Variants in PTPRG observed in about 807,000 individuals in gnomAD.
PTPRG encodes the protein receptor-type tyrosine-protein phosphatase gamma.
In PTPRG, 102 loss-of-function variants were observed where a neutral mutation model predicts 165.3. The observed-to-expected ratio is 0.62, with a 90% CI of 0.53 to 0.73. The LOEUF is 0.73. PTPRG is among the 30% of genes least tolerant of loss of function. The pLI is 0.00. For missense variants in PTPRG, 1,866 were observed against 1,861.4 expected, an observed-to-expected ratio of 1.00 and a Z score of -0.05; for synonymous variants, 675 against 669.5, an observed-to-expected ratio of 1.01 and a Z score of -0.13.
At chr3:61,698,475 G>A (rs1165128908) in intron 1 of PTPRG, among the ~76,000 whole-genome samples, 1 of 152,140 alleles carries the variant, frequency 6.6e-6, no homozygotes, top group East Asian at 1.9e-4. Context: ...GCTGGATTTG[G>A]CCTGAAGATA....
chr3:62,126,367 C>T (rs534331715), intron 5 of PTPRG, among the ~76,000 whole-genome samples: 16 of 152,304 alleles, frequency 1.1e-4, no homozygotes, highest in Non-Finnish European at 2.2e-4. Flanking sequence ...TGTGAATTAA[C>T]TAGTTTCCAT....
intron 2 of PTPRG, among the ~76,000 whole-genome samples, chr3:61,837,989 C>A (rs763123561): frequency 2.1e-4 from 32 of 152,176 alleles, no homozygotes; most frequent in African/African-American, 7.2e-4. Flanking sequence ...GACACTTTTG[C>A]CCACATTTAA....
At chr3:61,761,558 A>G (rs989069249) in intron 2 of PTPRG, among the ~76,000 whole-genome samples, 2 of 151,760 alleles carry the variant, frequency 1.3e-5, no homozygotes, top group Non-Finnish European at 2.9e-5. Context: ...AGCCTGGGCA[A>G]CAGAGTGAGA....
At chr3:61,661,874 A>G (rs1702678124) in intron 1 of PTPRG, among the ~76,000 whole-genome samples, 1 of 152,210 alleles carries the variant, frequency 6.6e-6, no homozygotes, top group African/African-American at 2.4e-5. Flanking sequence ...ACCACCACCC[A>G]ATCCCTTACT....
chr3:62,022,532 A>T (rs2041721863), intron 4 of PTPRG, among the ~76,000 whole-genome samples: 1 of 152,212 alleles, frequency 6.6e-6, no homozygotes. Context: ...GGTGTGAACG[A>T]TGCAGGTAGA....
At chr3:61,579,429 T>C (rs568802868) in intron 1 of PTPRG, among the ~76,000 whole-genome samples, 1 of 152,332 alleles carries the variant, frequency 6.6e-6, no homozygotes, top group East Asian at 1.9e-4. Context: ...TTTTACAATG[T>C]GGCTAACACA....
intron 2 of PTPRG, among the ~76,000 whole-genome samples, chr3:61,763,497 C>T (rs1170129555): frequency 3.3e-5 from 5 of 151,582 alleles, no homozygotes; most frequent in African/African-American, 7.3e-5. Flanking sequence ...TCCCAGGTAG[C>T]TGGGATTACA....
At chr3:62,192,039 A>G (rs993995853) in intron 9 of PTPRG, among the ~76,000 whole-genome samples, 1 of 152,194 alleles carries the variant, frequency 6.6e-6, no homozygotes, top group African/African-American at 2.4e-5. Context: ...CTGTATAAAT[A>G]TTAACTATTA....
intron 1 of PTPRG, among the ~76,000 whole-genome samples, chr3:61,706,306 C>T (rs538519829): frequency 6.6e-6 from 1 of 151,902 alleles, no homozygotes; most frequent in Non-Finnish European, 1.5e-5. Flanking sequence ...CTTAAAGCAA[C>T]ACTCTGACCT....
At chr3:61,659,413 G>T (rs572396873) in intron 1 of PTPRG, 1 of 985,310 alleles carries the variant, frequency 1.0e-6, no homozygotes, top group African/African-American at 1.7e-5. Context: ...TGATGAGGCT[G>T]TGTACACTTC....
chr3:61,795,413 C>T (rs1004124253), intron 2 of PTPRG, among the ~76,000 whole-genome samples: 9 of 151,982 alleles, frequency 5.9e-5, no homozygotes, highest in Admixed American at 1.3e-4. Flanking sequence ...GAGGCTGAGG[C>T]GGGCGGATCA....
At chr3:61,617,178 T>G (rs1054401381) in intron 1 of PTPRG, among the ~76,000 whole-genome samples, 15 of 152,202 alleles carry the variant, frequency 9.9e-5, no homozygotes, top group African/African-American at 3.6e-4. Context: ...GGAATTACAC[T>G]GTGTGGGAGG....
chr3:62,133,906 C>A (rs1370358973), intron 6 of PTPRG, among the ~76,000 whole-genome samples: 2 of 152,162 alleles, frequency 1.3e-5, no homozygotes, highest in South Asian at 2.1e-4. Context: ...TCACTTGAAT[C>A]CGGGAGGCGG....
chr3:62,162,529 G>C (rs1317380877), intron 7 of PTPRG, among the ~76,000 whole-genome samples: 1 of 152,190 alleles, frequency 6.6e-6, no homozygotes, highest in East Asian at 1.9e-4. Flanking sequence ...AAAAGTGAGG[G>C]CTTTGGGAGG....
At chr3:62,029,202 T>A (rs1384431820) in intron 4 of PTPRG, among the ~76,000 whole-genome samples, 1 of 152,134 alleles carries the variant, frequency 6.6e-6, no homozygotes, top group Non-Finnish European at 1.5e-5. Flanking sequence ...AATCTCAAGG[T>A]CTTGCAAGAA....
chr3:61,645,782 A>G (rs767942517), intron 1 of PTPRG, among the ~76,000 whole-genome samples: 20 of 152,244 alleles, frequency 1.3e-4, no homozygotes, highest in Non-Finnish European at 1.9e-4. Context: ...GATGTGTTCC[A>G]GCAAAACTTT....
At chr3:62,155,219 G>A (rs150851453) in intron 6 of PTPRG, among the ~76,000 whole-genome samples, 3 of 152,162 alleles carry the variant, frequency 2.0e-5, no homozygotes, top group Admixed American at 1.3e-4. Flanking sequence ...AGAAAAAGAC[G>A]AATTGAACAC....
chr3:62,289,256 G>T (rs1702783090), intron 28 of PTPRG, among the ~76,000 whole-genome samples: 1 of 152,170 alleles, frequency 6.6e-6, no homozygotes, highest in South Asian at 2.1e-4. Flanking sequence ...GACTAAGTCA[G>T]TACATGTAAA....
chr3:61,878,165 C>T (rs950410384), intron 2 of PTPRG, among the ~76,000 whole-genome samples: 1 of 152,096 alleles, frequency 6.6e-6, no homozygotes, highest in African/African-American at 2.4e-5. Flanking sequence ...ATTGATGGAG[C>T]CTTTTATTAA....
Sources: allele counts gnomAD v4.1 joint callset (sites outside exome capture counted in the v4.1 genomes callset), GRCh38; gene constraint gnomAD v4.1.1; transcripts MANE v1.5; gene names NCBI Gene and HGNC (gene_info 2026-07-23, HGNC 2026-07-21).